Variants in NHSL2 observed in about 807,000 individuals in gnomAD.
NHSL2 encodes NHS-like protein 2.
NHSL2 carries 27 observed loss-of-function variants against 53.4 expected under a neutral mutation model. The observed-to-expected ratio is 0.51, with a 90% confidence interval of 0.37 to 0.70. The LOEUF is 0.70. NHSL2 is among the 30% of genes least tolerant of loss of function. The pLI is 0.00. For missense variants in NHSL2, 892 were observed against 980.1 expected (o/e 0.91, Z 1.20); for synonymous variants, 408 against 404.1 (o/e 1.01, Z -0.12).
chrX:72,139,532 A>G lies in NHSL2; in HGVS notation c.1984A>G (p.Thr662Ala). The change falls in exon 6 of 8, where the codon ACA becomes GCA. Residue 662 changes from threonine to alanine, a missense_variant. Coordinates refer to ENST00000633930, the MANE Select transcript of NHSL2 (RefSeq NM_001013627.3). ...LSSSSTATGT[T>A]VIECTQVQGS... is the part of the protein sequence containing the mutation. ...CAGCTCCAGCACTGCCACTGGCACC[A>G]CAGTCATTGAGTGCACCCAAGTTCA... The G allele has an allele frequency of 8.3e-7, 1 of 1,210,946 alleles. No homozygotes were observed. Among genetic ancestry groups the G allele is most frequent in the Non-Finnish European group, 1.1e-6 (1 of 894,942 alleles).
intron 1 of NHSL2, among the ~76,000 whole-genome samples, chrX:72,053,231 T>A (rs1270663299): frequency 8.9e-6 from 1 of 111,782 alleles, no homozygotes; most frequent in African/African-American, 3.3e-5. Flanking sequence ...CACCCCAGGC[T>A]TCTCAGCCAT....
chrX:72,101,282 A>G (rs1008879699), intron 1 of NHSL2, among the ~76,000 whole-genome samples: 2 of 109,860 alleles, frequency 1.8e-5, no homozygotes, highest in Non-Finnish European at 3.8e-5. Context: ...GAAGACTCGC[A>G]TCAGGGTTTG....
At chrX:72,026,474 G>C (rs1320606411) in intron 1 of NHSL2, among the ~76,000 whole-genome samples, 1 of 112,385 alleles carries the variant, frequency 8.9e-6, no homozygotes. Flanking sequence ...AGAAGCCCAG[G>C]CATGGGGAGG....
At chrX:72,110,596 G>A (rs1348199389) in intron 1 of NHSL2, among the ~76,000 whole-genome samples, 2 of 108,896 alleles carry the variant, frequency 1.8e-5, no homozygotes, top group East Asian at 5.7e-4. Context: ...CCCAGCCCCG[G>A]GACACTCCTT....
chrX:72,028,375 G>A (rs1156539483), intron 1 of NHSL2, among the ~76,000 whole-genome samples: 1 of 112,514 alleles, frequency 8.9e-6, no homozygotes, highest in Admixed American at 9.4e-5. Context: ...GAGAGCTCGA[G>A]ATTTCTGTGA....
chrX:72,031,633 G>A (rs1467043339), intron 1 of NHSL2, among the ~76,000 whole-genome samples: 2 of 109,698 alleles, frequency 1.8e-5, no homozygotes, highest in African/African-American at 6.7e-5. Flanking sequence ...ATTAGATCAT[G>A]TATGTGAATT....
intron 1 of NHSL2, among the ~76,000 whole-genome samples, chrX:72,085,151 C>A (rs937009554): frequency 9.0e-6 from 1 of 111,547 alleles, no homozygotes; most frequent in African/African-American, 3.3e-5. Flanking sequence ...CCAGGGTTTG[C>A]TTTAGACCTC....
At chrX:71,911,550 G>C (rs1312724816) in intron 1 of NHSL2, among the ~76,000 whole-genome samples, 183 bp downstream of exon 1, 1 of 111,523 alleles carries the variant, frequency 9.0e-6, no homozygotes, top group Admixed American at 9.3e-5. Flanking sequence ...TCGCCCTACC[G>C]CTGGAACTTC....
At chrX:72,067,750 A>T (rs1188897702) in intron 1 of NHSL2, among the ~76,000 whole-genome samples, 1 of 111,927 alleles carries the variant, frequency 8.9e-6, no homozygotes, top group Non-Finnish European at 1.9e-5. Flanking sequence ...GAAGCCTCAC[A>T]TTCCACAGTG....
At chrX:72,131,967 C>A (rs1276288222) in intron 1 of NHSL2, 112 bp from the exon 2 acceptor site, 2 of 737,007 alleles carry the variant, frequency 2.7e-6, no homozygotes, top group East Asian at 7.2e-5. Flanking sequence ...GCCTCGCACT[C>A]CCCCCACCCC....
intron 1 of NHSL2, among the ~76,000 whole-genome samples, chrX:71,987,230 A>G (rs5991900): frequency 2.7e-5 from 3 of 111,951 alleles, no homozygotes; most frequent in Non-Finnish European, 5.6e-5. Context: ...AGAAAAAGAA[A>G]AACTGTTTCT....
intron 1 of NHSL2, among the ~76,000 whole-genome samples, chrX:72,043,241 A>G (rs1017413840): frequency 1.8e-5 from 2 of 111,519 alleles, no homozygotes; most frequent in African/African-American, 6.5e-5. Context: ...AATATAACCC[A>G]TGCACACACA....
intron 1 of NHSL2, among the ~76,000 whole-genome samples, chrX:72,080,665 C>T (rs758500511): frequency 3.2e-4 from 35 of 110,264 alleles, no homozygotes; most frequent in Non-Finnish European, 6.1e-4. Context: ...CTTGTCCCTT[C>T]GGTGGTAGAA....
intron 1 of NHSL2, among the ~76,000 whole-genome samples, chrX:72,122,584 G>A (rs764332419): frequency 2.7e-5 from 3 of 112,180 alleles, no homozygotes; most frequent in Non-Finnish European, 5.6e-5. Context: ...CTAAGTCAAG[G>A]GAACACAGCA....
chrX:72,003,708 A>G (rs1569471062), intron 1 of NHSL2, among the ~76,000 whole-genome samples: 2 of 112,005 alleles, frequency 1.8e-5, no homozygotes, highest in South Asian at 7.4e-4. Context: ...AAGCTCTATA[A>G]TGATTCAGTT....
chrX:72,132,053 C>G (rs2042309835), intron 1 of NHSL2, 26 bp from the exon 2 acceptor site: 1 of 1,163,028 alleles, frequency 8.6e-7, no homozygotes, highest in Non-Finnish European at 1.1e-6. Context: ...TCGCCTGCGC[C>G]TCTCACTGAC....
At chrX:72,077,347 G>A (rs953751741) in intron 1 of NHSL2, among the ~76,000 whole-genome samples, 1 of 110,639 alleles carries the variant, frequency 9.0e-6, no homozygotes, top group African/African-American at 3.3e-5. Context: ...GGCTGGCTTG[G>A]GGGATGGGAG....
intron 1 of NHSL2, among the ~76,000 whole-genome samples, chrX:72,021,473 AG>A (rs2147900477): frequency 8.9e-6 from 1 of 111,930 alleles, no homozygotes; most frequent in East Asian, 2.8e-4. Context: ...GGGCCCAGGT[AG>A]GCCTTCAAAC....
At chrX:72,069,574 C>T in intron 1 of NHSL2, 1 of 599,690 alleles carries the variant, frequency 1.7e-6, no homozygotes, top group Non-Finnish European at 2.2e-6. Flanking sequence ...ATGTAAGCAC[C>T]TGGGGAGGAG....
Sources: allele counts gnomAD v4.1 joint callset (sites outside exome capture counted in the v4.1 genomes callset), GRCh38; gene constraint gnomAD v4.1.1; transcripts MANE v1.5; gene names NCBI Gene and HGNC (gene_info 2026-07-23, HGNC 2026-07-21).